The following MPDZ variants were observed in gnomAD, a reference collection of about 807,000 sequenced individuals.
The protein encoded by MPDZ is multiple PDZ domain protein.
Under a neutral mutation model 239.1 loss-of-function variants are expected in MPDZ, and 234 were observed. The observed-to-expected ratio is 0.98, with a 90% CI of 0.88 to 1.09. MPDZ has a LOEUF of 1.09. MPDZ is among the 50% of genes least tolerant of loss of function. The pLI is 0.00. For missense variants in MPDZ, 3,175 were observed against 2,510.0 expected (o/e 1.26, Z -5.66); for synonymous variants, 1,048 against 881.3 (o/e 1.19, Z -3.35).
chr9:13,233,888 A>T (rs1008703024), intron 3 of MPDZ, among the ~76,000 whole-genome samples: 6 of 152,180 alleles, frequency 3.9e-5, no homozygotes, highest in African/African-American at 1.4e-4. Context: ...TACCACTGTG[A>T]TGTGTGGCCC....
chr9:13,240,475 G>C (rs1965111748), intron 3 of MPDZ, among the ~76,000 whole-genome samples: 2 of 149,930 alleles, frequency 1.3e-5, no homozygotes, highest in Admixed American at 1.3e-4. Context: ...ATGATGTTTA[G>C]CTGAAGTGCA....
chr9:13,150,668 G>A lies in MPDZ; in HGVS notation c.3473C>T (p.Pro1158Leu), dbSNP rs180875475. ...QPRRVELWRE[P>L]SKSLGISIVG... ...AATGCTGATGCCTAAGGATTTGCTTGGTTCTCTCCAGAGTTCCACCCTAAA... is the reference window on the plus strand; with the variant it reads ...AATGCTGATGCCTAAGGATTTGCTTAGTTCTCTCCAGAGTTCCACCCTAAA... The change falls in exon 25 of 47, where the codon CCA becomes CTA. Residue 1158 changes from proline to leucine, a missense_variant. Physicochemically the swap from Pro to Leu is moderately conservative, Grantham distance 98. Transcript: ENST00000319217. The A allele has an allele frequency of 5.5e-5, 78 of 1,411,806 alleles. No homozygotes were observed. In the Admixed American group the frequency reaches 1.7e-3, roughly 31 times the overall value. The allele number at this position is 1,411,806 out of a possible 1,614,324, so 87.5% of individuals were successfully genotyped here.
intron 12 of MPDZ, 92 bp downstream of exon 12, chr9:13,204,944 A>T: frequency 1.2e-6 from 1 of 804,094 alleles, no homozygotes; most frequent in East Asian, 3.3e-5. Flanking sequence ...GTAACTTACA[A>T]TATATCCATA....
rs781414036 is a variant in MPDZ, at chr9:13,176,432, AC to A, written c.2650-16del. On this transcript the variant is annotated splice_polypyrimidine_tract_variant and intron_variant, in intron 19 of 46. Transcript: ENST00000319217. The stretch of plus-strand genomic sequence containing the variant: ...TCAATAACATCCTGGTAGTTAAAAA[AC>A]AACAACAACAAAACATGAAAAATGT... 10 of 1,514,182 alleles carry A rather than the reference AC, an allele frequency of 6.6e-6. No individual in the cohort carries two copies. The African/African-American group carries it at 1.2e-4, about 19-fold the overall frequency. 93.8% of individuals were successfully genotyped at this position (1,514,182 alleles called of 1,614,324 possible).
intron 39 of MPDZ, among the ~76,000 whole-genome samples, chr9:13,117,823 A>T (rs1029595005): frequency 1.3e-5 from 2 of 151,280 alleles, no homozygotes; most frequent in African/African-American, 4.9e-5. Context: ...TATGGTGTTC[A>T]TTATATACTT....
chr9:13,175,313 T>C (rs1587520859), intron 21 of MPDZ, among the ~76,000 whole-genome samples: 1 of 152,228 alleles, frequency 6.6e-6, no homozygotes, highest in East Asian at 1.9e-4. Flanking sequence ...GCACACCTGG[T>C]TGTCTTTTTA....
chr9:13,164,061 G>A (rs761659265), intron 22 of MPDZ, among the ~76,000 whole-genome samples: 75 of 152,294 alleles, frequency 4.9e-4, no homozygotes, highest in Non-Finnish European at 8.7e-4. Context: ...AAGCTGAGGA[G>A]CACAATCCAA....
intron 3 of MPDZ, among the ~76,000 whole-genome samples, chr9:13,238,675 T>C (rs1444577783): frequency 1.3e-5 from 2 of 152,144 alleles, no homozygotes; most frequent in Non-Finnish European, 2.9e-5. Context: ...TCCACAAATT[T>C]TGATGCACTA....
intron 35 of MPDZ, among the ~76,000 whole-genome samples, chr9:13,123,932 T>C (rs906774177): frequency 6.6e-6 from 1 of 152,210 alleles, no homozygotes; most frequent in African/African-American, 2.4e-5. Flanking sequence ...CTGGTGCATA[T>C]ATGTTCAGAA....
intron 10 of MPDZ, 70 bp from the exon 11 acceptor site, chr9:13,206,169 A>G (rs1956969367): frequency 4.4e-6 from 6 of 1,379,070 alleles, no homozygotes; most frequent in Non-Finnish European, 5.9e-6. Context: ...CAATTCACAA[A>G]ATGTGTATGT....
intron 19 of MPDZ, among the ~76,000 whole-genome samples, chr9:13,182,418 T>A (rs1240288368): frequency 6.6e-6 from 1 of 152,132 alleles, no homozygotes; most frequent in African/African-American, 2.4e-5. Context: ...TAAATTCCCA[T>A]ACTTCCTTTT....
In MPDZ at chr9:13,140,072, G is replaced by C. The variant is rs772730297; in HGVS notation, c.3918C>G (p.Ala1306=). 9 of 1,613,354 alleles carry C rather than the reference G, an allele frequency of 5.6e-6. No individual in the cohort carries two copies. Among genetic ancestry groups the C allele is most frequent in the Non-Finnish European group, 7.6e-6 (9 of 1,179,742 alleles). ...SVPPPPPSAF[A]EMGSDHTQSS... ...ACTGTGTGTGATCACTACCCATTTC[G>C]GCAAAGGCTGAAGGAGGGGGTGGGG... The change falls in exon 28 of 47, where the codon GCC becomes GCG. Residue 1306 remains alanine, a synonymous_variant. Transcript: ENST00000319217.
At chr9:13,271,458 T>C (rs1258080963) in intron 1 of MPDZ, among the ~76,000 whole-genome samples, 1 of 152,186 alleles carries the variant, frequency 6.6e-6, no homozygotes, top group Non-Finnish European at 1.5e-5. Flanking sequence ...AAATTCCCTT[T>C]GTAAATGTGA....
At chr9:13,175,975 T>C (rs2134177849) in intron 20 of MPDZ, 100 bp from the exon 21 acceptor site, 1 of 1,459,904 alleles carries the variant, frequency 6.8e-7, no homozygotes, top group East Asian at 2.5e-5. Context: ...GATTGTGCTT[T>C]ATTTTGCAAG....
chr9:13,166,845 TCAAAAGTTTTCTAGAGTTGA>T (rs1951148974), intron 22 of MPDZ, among the ~76,000 whole-genome samples: 1 of 152,088 alleles, frequency 6.6e-6, no homozygotes, highest in South Asian at 2.1e-4. Flanking sequence ...AAAATGTACT[TCAAAAGTTTTCTAGAGTTGA>T]CCAGATGCAT....
At chr9:13,160,776 T>C (rs1950361091) in intron 23 of MPDZ, among the ~76,000 whole-genome samples, 1 of 142,618 alleles carries the variant, frequency 7.0e-6, no homozygotes, top group African/African-American at 2.6e-5. Flanking sequence ...AAAAAATAGA[T>C]GGTTGCATCT....
intron 3 of MPDZ, among the ~76,000 whole-genome samples, chr9:13,246,537 C>T (rs1047739375): frequency 1.4e-4 from 21 of 152,268 alleles, no homozygotes; most frequent in Middle Eastern, 3.4e-3. Context: ...TTCATGATCA[C>T]GACTTTTAAA....
Position 13,162,780 on chromosome 9 carries a change from A to G in MPDZ, c.3270T>C (p.Pro1090=). The change falls in exon 23 of 47, where the codon CCT becomes CCC. Residue 1090 remains proline, a synonymous_variant. Transcript: ENST00000319217. ...IGPDIKITYV[P]AEHLEEFKIS... ...TTTTGAACTCTTCCAAATGTTCTGCAGGCACATAAGTAATTCTGGAACAAA... is the reference window on the plus strand; with the variant it reads ...TTTTGAACTCTTCCAAATGTTCTGCGGGCACATAAGTAATTCTGGAACAAA... 2 of 1,609,736 alleles carry G rather than the reference A, an allele frequency of 1.2e-6. No individual in the cohort carries two copies. The highest frequency in any genetic ancestry group is 1.7e-6 in the Non-Finnish European group (2 of 1,177,238).
At chr9:13,188,569 G>A (rs1268783239) in intron 17 of MPDZ, among the ~76,000 whole-genome samples, 2 of 151,982 alleles carry the variant, frequency 1.3e-5, no homozygotes, top group Non-Finnish European at 2.9e-5. Flanking sequence ...CAGTAAGTTA[G>A]AAGTTTATTT....
Sources: gnomAD v4.1 joint callset for allele counts (sites outside exome capture counted in the v4.1 genomes callset) on GRCh38, gnomAD v4.1.1 for gene constraint, MANE v1.5 for transcripts, NCBI Gene and HGNC (gene_info 2026-07-23, HGNC 2026-07-21) for gene names.